Variants in AIDA observed in about 807,000 individuals in gnomAD.
AIDA encodes axin interactor, dorsalization associated.
In AIDA, 18 loss-of-function variants were observed where a neutral mutation model predicts 42.7. The observed-to-expected ratio is 0.42, with a 90% CI of 0.29 to 0.63. AIDA has a LOEUF of 0.63. Among genes scored for constraint, AIDA ranks in the 20% least tolerant of loss-of-function variants. The pLI, the probability that AIDA is intolerant of heterozygous loss-of-function variation, is 0.19. For missense variants in AIDA, 250 were observed against 354.1 expected, an observed-to-expected ratio of 0.71 and a Z score of 2.36; for synonymous variants, 104 against 122.9, an observed-to-expected ratio of 0.85 and a Z score of 1.02.
At chr1:222,672,946 A>G (rs886666989) in intron 8 of AIDA, among the ~76,000 whole-genome samples, 4 of 152,236 alleles carry the variant, frequency 2.6e-5, no homozygotes, top group African/African-American at 9.6e-5. Context: ...TCGTTCTACC[A>G]AACTAGAAAT....
chr1:222,695,961 G>A (rs527456532), intron 2 of AIDA, among the ~76,000 whole-genome samples: 1 of 152,168 alleles, frequency 6.6e-6, no homozygotes, highest in Non-Finnish European at 1.5e-5. Flanking sequence ...TAGCACTTAT[G>A]CAACTACCAC....
intron 7 of AIDA, among the ~76,000 whole-genome samples, chr1:222,675,666 CTT>C (rs1215056956): frequency 6.6e-6 from 1 of 152,166 alleles, no homozygotes; most frequent in African/African-American, 2.4e-5. Flanking sequence ...AGACCTCTCT[CTT>C]GGACAGGAAG....
intron 4 of AIDA, among the ~76,000 whole-genome samples, chr1:222,691,238 G>A (rs1297558648): frequency 6.6e-6 from 1 of 152,154 alleles, no homozygotes; most frequent in South Asian, 2.1e-4. Flanking sequence ...AAGGCTCTGA[G>A]GCAGAAACTA....
At position 222,687,038 on chromosome 1, in the gene AIDA, T is replaced by C; in HGVS notation, c.354-2A>G. The C allele has an allele frequency of 6.2e-7, 1 of 1,612,698 alleles. No individual in the cohort carries two copies. Among genetic ancestry groups the C allele is most frequent in the African/African-American group, 1.3e-5 (1 of 74,958 alleles). ...TCTTCACCAGGTGCCAAAATTCTTCTACACAAAAAAAGGGCAGAAAAAACA... is the reference window on the plus strand; with the variant it reads ...TCTTCACCAGGTGCCAAAATTCTTCCACACAAAAAAAGGGCAGAAAAAACA... On this transcript the variant is annotated splice_acceptor_variant, in intron 5 of 9. Coordinates refer to ENST00000340020, the MANE Select transcript of AIDA (RefSeq NM_022831.4). LOFTEE classifies it high-confidence loss of function.
intron 6 of AIDA, among the ~76,000 whole-genome samples, chr1:222,676,680 G>C (rs1430820365): frequency 2.0e-5 from 3 of 151,238 alleles, no homozygotes; most frequent in Non-Finnish European, 4.4e-5. Context: ...TTTTGACACA[G>C]TGTCTCACTC....
intron 8 of AIDA, among the ~76,000 whole-genome samples, chr1:222,671,770 C>T (rs1480162521): frequency 3.3e-5 from 5 of 152,174 alleles, no homozygotes. Context: ...CTTCTCTTCT[C>T]CCTCCCACAG....
Position 222,673,350 on chromosome 1 carries a change from G to A in AIDA, c.669C>T (p.Asp223=). The part of the protein sequence containing the change: ...KEDTYVHFNV[D]IELQKHVEKL... Reference sequence around the variant, plus strand: ...TTTCAACATGCTTCTGGAGCTCAATGTCCACATTAAAATGAACATATGTAT... The same window carrying A: ...TTTCAACATGCTTCTGGAGCTCAATATCCACATTAAAATGAACATATGTAT... Residue 223 remains aspartate, a synonymous_variant, in exon 8 of 10, where the codon GAC becomes GAT. Coordinates refer to ENST00000340020, the MANE Select transcript of AIDA (RefSeq NM_022831.4). The A allele has an allele frequency of 1.2e-6, 2 of 1,609,594 alleles. No individual in the cohort carries two copies. The highest frequency in any genetic ancestry group is 1.7e-6 in the Non-Finnish European group (2 of 1,177,684).
At chr1:222,708,709 A>C (rs912414934) in intron 1 of AIDA, among the ~76,000 whole-genome samples, 1 of 152,136 alleles carries the variant, frequency 6.6e-6, no homozygotes, top group Non-Finnish European at 1.5e-5. Flanking sequence ...CTAGATAAAT[A>C]TCTCAGGATT....
At chr1:222,683,711 T>C (rs902816824) in intron 6 of AIDA, among the ~76,000 whole-genome samples, 2 of 152,214 alleles carry the variant, frequency 1.3e-5, no homozygotes, top group African/African-American at 4.8e-5. Context: ...TATTCAAGAC[T>C]ATCAGTAAAT....
intron 1 of AIDA, 85 bp downstream of exon 1, chr1:222,712,123 T>C: frequency 3.2e-6 from 5 of 1,539,308 alleles, no homozygotes; most frequent in Non-Finnish European, 4.4e-6. Context: ...TGGCTGCAGA[T>C]ACGGTGATGA....
At chr1:222,687,891 A>G (rs1655243237) in intron 4 of AIDA, among the ~76,000 whole-genome samples, 1 of 152,170 alleles carries the variant, frequency 6.6e-6, no homozygotes, top group African/African-American at 2.4e-5. Flanking sequence ...TCAGATCTCC[A>G]AGAAGAGTAA....
chr1:222,702,306 GA>G (rs895517362), intron 2 of AIDA, among the ~76,000 whole-genome samples: 2 of 152,088 alleles, frequency 1.3e-5, no homozygotes, highest in Admixed American at 6.6e-5. Flanking sequence ...CCTTTGTAAA[GA>G]ATAAGAGCAA....
intron 2 of AIDA, among the ~76,000 whole-genome samples, chr1:222,701,983 C>T (rs1383322083): frequency 1.3e-5 from 2 of 150,860 alleles, no homozygotes; most frequent in South Asian, 2.1e-4. Context: ...CTCGGCCTCC[C>T]GAAGTGCTGG....
chr1:222,703,051 GT>G, intron 2 of AIDA, 96 bp downstream of exon 2: 4 of 923,726 alleles, frequency 4.3e-6, no homozygotes, highest in Non-Finnish European at 6.4e-6. Context: ...ACAGTTTTTT[GT>G]TTTTGTTTTG....
rs977317550 is a variant in AIDA, at chr1:222,684,313, T to C, written c.460+2617A>G. On this transcript the variant is annotated intron_variant, in intron 6 of 9. Coordinates refer to ENST00000340020, the MANE Select transcript of AIDA (RefSeq NM_022831.4). ...TTTTAGTAGAGACGGGGTTTCACCA[T>C]GTTGGCCAGGCTGGTCTCGAACTCC... 2.0e-5 allele frequency among the ~76,000 whole-genome samples: 3 copies of C among 152,124 alleles called. No homozygotes were observed. The South Asian group carries it at 6.2e-4, about 31-fold the overall frequency.
At chr1:222,701,201 A>C (rs1655693412) in intron 2 of AIDA, among the ~76,000 whole-genome samples, 1 of 152,084 alleles carries the variant, frequency 6.6e-6, no homozygotes, top group African/African-American at 2.4e-5. Context: ...GGGCTGAAAC[A>C]ATCTTCCCAA....
intron 1 of AIDA, among the ~76,000 whole-genome samples, chr1:222,711,207 T>C (rs1015488410): frequency 6.6e-6 from 1 of 152,072 alleles, no homozygotes; most frequent in African/African-American, 2.4e-5. Flanking sequence ...TTGCAAACAA[T>C]AGCATTTTGG....
chr1:222,704,853 A>T (rs1385425723), intron 1 of AIDA, among the ~76,000 whole-genome samples: 1 of 152,208 alleles, frequency 6.6e-6, no homozygotes, highest in Non-Finnish European at 1.5e-5. Flanking sequence ...CTGGCATAAG[A>T]ATTTGAAAAT....
intron 6 of AIDA, 23 bp from the exon 7 acceptor site, chr1:222,676,241 A>G (rs746622922): frequency 6.2e-7 from 1 of 1,601,336 alleles, no homozygotes; most frequent in Non-Finnish European, 8.5e-7. Context: ...AAAAAGCAAT[A>G]AAAGCTCCAT....
Sources: gnomAD v4.1 joint callset for allele counts (sites outside exome capture counted in the v4.1 genomes callset) on GRCh38, gnomAD v4.1.1 for gene constraint, MANE v1.5 for transcripts, NCBI Gene and HGNC (gene_info 2026-07-23, HGNC 2026-07-21) for gene names.